Variants in NAALADL2 observed in about 807,000 individuals in gnomAD.
NAALADL2 encodes the protein inactive N-acetylated-alpha-linked acidic dipeptidase-like protein 2.
In NAALADL2, 76 loss-of-function variants were observed where a neutral mutation model predicts 87.2. The observed-to-expected ratio is 0.87, with a 90% CI of 0.72 to 1.05. The LOEUF is 1.05. Ranked by LOEUF, NAALADL2 falls within the 50% of genes least tolerant of loss-of-function variation. The pLI is 0.00. For synonymous variants in NAALADL2, 354 were observed against 331.0 expected (o/e 1.07, Z -0.75); for missense variants, 1,089 against 945.8 (o/e 1.15, Z -1.99).
chr3:175,483,090 G>A (rs2059002), intron 9 of NAALADL2, among the ~76,000 whole-genome samples: 134,539 of 151,614 alleles, frequency 0.89, 59,714 homozygotes, highest in East Asian at 0.98. Flanking sequence ...TACCTAGGGT[G>A]TGATACTAAT....
At chr3:175,342,923 A>G (rs1762712011) in intron 5 of NAALADL2, among the ~76,000 whole-genome samples, 1 of 152,060 alleles carries the variant, frequency 6.6e-6, no homozygotes, top group South Asian at 2.1e-4. Context: ...AATCAGTTAC[A>G]TGTGTCGCTT....
At chr3:174,499,993 A>C (rs1718787842) in intron 1 of NAALADL2, among the ~76,000 whole-genome samples, 1 of 152,038 alleles carries the variant, frequency 6.6e-6, no homozygotes, top group Non-Finnish European at 1.5e-5. Flanking sequence ...GGATATGTTG[A>C]ATATATACAT....
intron 1 of NAALADL2, among the ~76,000 whole-genome samples, chr3:175,044,824 TTA>T (rs1254692773): frequency 6.6e-6 from 1 of 152,138 alleles, no homozygotes. Flanking sequence ...TACTCAGTTG[TTA>T]CTGCTTCTTA....
At chr3:175,145,633 C>T (rs926670977) in intron 2 of NAALADL2, among the ~76,000 whole-genome samples, 1 of 152,044 alleles carries the variant, frequency 6.6e-6, no homozygotes, top group South Asian at 2.1e-4. Context: ...GGCTGATTTG[C>T]TGATTGCCTA....
At chr3:174,671,167 C>G (rs1726496314) in intron 2 of NAALADL2, among the ~76,000 whole-genome samples, 1 of 152,162 alleles carries the variant, frequency 6.6e-6, no homozygotes, top group East Asian at 1.9e-4. Flanking sequence ...ATTACCCAGT[C>G]TCAGGTATTT....
intron 3 of NAALADL2, among the ~76,000 whole-genome samples, chr3:174,744,495 T>C (rs930844111): frequency 1.3e-5 from 2 of 152,126 alleles, no homozygotes; most frequent in Non-Finnish European, 2.9e-5. Flanking sequence ...CCACACAAAA[T>C]AGTGGGAGAT....
Position 175,755,290 on chromosome 3 carries a change from G to C in NAALADL2, c.2061G>C (p.Gln687His), listed in dbSNP as rs1156689946. The C allele has an allele frequency of 2.5e-6, 4 of 1,613,538 alleles. No individual in the cohort carries two copies. The African/African-American group carries it at 5.3e-5, about 22-fold the overall frequency. The change falls in exon 13 of 14, where the codon CAG becomes CAC. Residue 687 changes from glutamine (Q) to histidine (H), a missense_variant. Coordinates refer to ENST00000454872, the MANE Select transcript of NAALADL2 (RefSeq NM_207015.3). ...LRLRESAELFQSDEMRPANDP... is the reference protein window; with the variant it reads ...LRLRESAELFHSDEMRPANDP... ...TGCGGGAGAGTGCTGAACTTTTTCA[G>C]TCTGATGAGATGCGACCTGCTAATG...
intron 13 of NAALADL2, among the ~76,000 whole-genome samples, chr3:175,761,522 G>A (rs1370651541): frequency 6.6e-6 from 1 of 150,620 alleles, no homozygotes; most frequent in Non-Finnish European, 1.5e-5. Flanking sequence ...ATACCAAAGT[G>A]TGCAATTGCT....
chr3:174,520,198 G>A (rs1304718548), intron 1 of NAALADL2, among the ~76,000 whole-genome samples: 1 of 152,096 alleles, frequency 6.6e-6, no homozygotes, highest in African/African-American at 2.4e-5. Context: ...ATTTTTCACA[G>A]AATTAGAAAA....
chr3:174,585,709 GA>G (rs2108571154), intron 2 of NAALADL2, among the ~76,000 whole-genome samples: 1 of 151,820 alleles, frequency 6.6e-6, no homozygotes, highest in South Asian at 2.1e-4. Context: ...ATTTATTGTA[GA>G]AAAAGGAGAA....
intron 3 of NAALADL2, among the ~76,000 whole-genome samples, chr3:174,853,510 C>A (rs1436450735): frequency 6.6e-6 from 1 of 151,678 alleles, no homozygotes; most frequent in Non-Finnish European, 1.5e-5. Flanking sequence ...AAAGCGGAGG[C>A]AACCAAAGCA....
At chr3:174,903,913 C>G (rs995284710) in intron 1 of NAALADL2, among the ~76,000 whole-genome samples, 1 of 151,682 alleles carries the variant, frequency 6.6e-6, no homozygotes, top group Non-Finnish European at 1.5e-5. Context: ...AAAATCCTTT[C>G]TGGCTCTGGA....
intron 1 of NAALADL2, among the ~76,000 whole-genome samples, chr3:174,958,635 G>C (rs1579725519): frequency 6.6e-6 from 1 of 152,148 alleles, no homozygotes; most frequent in East Asian, 1.9e-4. Context: ...AGCACAAGGA[G>C]AGTTATGTAG....
At chr3:174,919,329 G>A (rs1408781620) in intron 1 of NAALADL2, among the ~76,000 whole-genome samples, 1 of 152,118 alleles carries the variant, frequency 6.6e-6, no homozygotes, top group Non-Finnish European at 1.5e-5. Flanking sequence ...CAAAATTGGA[G>A]TTAATCTTCT....
In NAALADL2 at chr3:175,458,047, G is replaced by GTGTC. The variant is rs200445721; in HGVS notation, c.1235-5353_1235-5350dup. 6.6e-3 allele frequency among the ~76,000 whole-genome samples: 1,008 copies of GTGTC among 152,106 alleles called. 8 individuals are homozygous for GTGTC. The highest frequency in any genetic ancestry group is 0.023 in the African/African-American group (942 of 41,488). The stretch of plus-strand genomic sequence containing the variant: ...GTAATAGCAACTTCAGCTGGGTTCT[G>GTGTC]TGTCCTTTGACATGTACTCATTATT... On this transcript the variant is annotated intron_variant, in intron 6 of 13. Coordinates refer to ENST00000454872, the MANE Select transcript of NAALADL2 (RefSeq NM_207015.3).
At chr3:175,237,474 G>A in intron 3 of NAALADL2, among the ~76,000 whole-genome samples, 1 of 152,004 alleles carries the variant, frequency 6.6e-6, no homozygotes, top group East Asian at 1.9e-4. Context: ...TACCGATGGT[G>A]TTCTCCACCC....
intron 11 of NAALADL2, among the ~76,000 whole-genome samples, chr3:175,710,757 A>G (rs949628287): frequency 1.1e-4 from 16 of 151,894 alleles, no homozygotes; most frequent in African/African-American, 3.6e-4. Flanking sequence ...CATATATATG[A>G]AAAACTGTGA....
chr3:175,007,150 TA>T (rs397877957), intron 1 of NAALADL2, among the ~76,000 whole-genome samples: 12,582 of 70,400 alleles, frequency 0.18, 866 homozygotes, highest in African/African-American at 0.3. Context: ...TTTTATAGGA[TA>T]AAAAAAAAAA....
intron 3 of NAALADL2, among the ~76,000 whole-genome samples, chr3:174,738,427 G>A (rs1198718534): frequency 6.6e-6 from 1 of 152,184 alleles, no homozygotes; most frequent in Non-Finnish European, 1.5e-5. Flanking sequence ...CAAATGTAAG[G>A]AGTTAGATTA....
Sources: gnomAD v4.1 joint callset for allele counts (sites outside exome capture counted in the v4.1 genomes callset) on GRCh38, gnomAD v4.1.1 for gene constraint, MANE v1.5 for transcripts, NCBI Gene and HGNC (gene_info 2026-07-23, HGNC 2026-07-21) for gene names.